Variants in PACS1 observed in about 807,000 individuals in gnomAD.
PACS1 encodes the protein phosphofurin acidic cluster sorting protein 1, also known as PACS-1.
In PACS1, 24 loss-of-function variants were observed where a neutral mutation model predicts 115.0. That is an observed-to-expected ratio of 0.21 (90% CI 0.15 to 0.29). PACS1 has a LOEUF of 0.29. Ranked by LOEUF, PACS1 falls within the 10% of genes least tolerant of loss-of-function variation. The pLI, the probability that PACS1 is intolerant of heterozygous loss-of-function variation, is 1.00. For synonymous variants in PACS1, 453 were observed against 504.5 expected (o/e 0.90, Z 1.37); for missense variants, 838 against 1,251.2 (o/e 0.67, Z 4.98).
At chr11:66,146,483 G>C (rs185883578) in intron 1 of PACS1, among the ~76,000 whole-genome samples, 1 of 152,194 alleles carries the variant, frequency 6.6e-6, no homozygotes, top group Non-Finnish European at 1.5e-5. Flanking sequence ...TGAACTTAAA[G>C]ATAGATCAAT....
intron 4 of PACS1, among the ~76,000 whole-genome samples, chr11:66,212,143 T>A (rs1855085725): frequency 6.6e-6 from 1 of 151,882 alleles, no homozygotes; most frequent in South Asian, 2.1e-4. Context: ...TTTTACTTTT[T>A]TTTTTTTGAG....
intron 14 of PACS1, among the ~76,000 whole-genome samples, chr11:66,232,725 T>C (rs1855621956): frequency 6.6e-6 from 1 of 151,850 alleles, no homozygotes; most frequent in Non-Finnish European, 1.5e-5. Context: ...TGGAGTGTCC[T>C]AGCATGTGAA....
intron 1 of PACS1, among the ~76,000 whole-genome samples, chr11:66,136,323 T>TCTCACACACACACACACA (rs1456724621): frequency 2.1e-5 from 3 of 145,820 alleles, no homozygotes; most frequent in Non-Finnish European, 4.5e-5. Context: ...AATCCCACTG[T>TCTCACACACACACACACA]CACACACACA....
Position 66,094,221 on chromosome 11 carries a change from A to G in PACS1, c.356+23379A>G, listed in dbSNP as rs1376990292. ...CAGAGCAGAACTGAAGGAAATAGAG[A>G]CACAAAAAACCCTTCAAAAATTAAT... On this transcript the variant is annotated intron_variant, in intron 1 of 23. Transcript: ENST00000320580. 2.7e-5 allele frequency among the ~76,000 whole-genome samples: 4 copies of G among 150,632 alleles called. No homozygotes were observed. The South Asian group carries it at 8.3e-4, about 31-fold the overall frequency.
Position 66,235,338 on chromosome 11 carries a change from C to T in PACS1, c.2142C>T (p.Val714=), listed in dbSNP as rs1855684671. The T allele has an allele frequency of 6.2e-7, 1 of 1,614,046 alleles. No homozygotes were observed. Among genetic ancestry groups the T allele is most frequent in the Non-Finnish European group, 8.5e-7 (1 of 1,179,948 alleles). ...LDVAGRVMQY[V]NGAATTHQLP... ...TGGCAGGGCGGGTGATGCAGTACGT[C>T]AACGGGGCAGCCACGACACACCAGC... Residue 714 remains valine, a synonymous_variant, in exon 18 of 24, where the codon GTC becomes GTT. Coordinates refer to ENST00000320580, the MANE Select transcript of PACS1 (RefSeq NM_018026.4). The surrounding 1 kb of genome is among the most constrained non-coding windows in gnomAD (Gnocchi z 5.6).
chr11:66,132,912 C>A (rs920086226), intron 1 of PACS1, among the ~76,000 whole-genome samples: 4 of 152,184 alleles, frequency 2.6e-5, no homozygotes, highest in African/African-American at 9.7e-5. Context: ...AAGTGATCTC[C>A]CTGCCTTGGC....
chr11:66,183,666 A>G (rs895686580), intron 1 of PACS1, among the ~76,000 whole-genome samples: 1 of 152,204 alleles, frequency 6.6e-6, no homozygotes, highest in Non-Finnish European at 1.5e-5. Context: ...AGAATTCAAG[A>G]GTGAGCCAGT....
At chr11:66,143,839 T>C (rs1859058532) in intron 1 of PACS1, among the ~76,000 whole-genome samples, 1 of 152,142 alleles carries the variant, frequency 6.6e-6, no homozygotes, top group Non-Finnish European at 1.5e-5. Flanking sequence ...GGGGTTTTGC[T>C]ATGTTGGCCA....
chr11:66,125,044 T>C (rs1003579596), intron 1 of PACS1, among the ~76,000 whole-genome samples: 2 of 152,184 alleles, frequency 1.3e-5, no homozygotes, highest in African/African-American at 4.8e-5. Flanking sequence ...TGATGAACAT[T>C]TGGGTGGCTT....
intron 1 of PACS1, among the ~76,000 whole-genome samples, chr11:66,110,303 T>A (rs1558974): frequency 0.39 from 59,544 of 151,158 alleles, 11,858 homozygotes; most frequent in Admixed American, 0.49. Flanking sequence ...AAAAAAAAAA[T>A]TTTTTTTATA....
chr11:66,230,214 G>A lies in PACS1; in HGVS notation c.1375-334G>A, dbSNP rs186899105. ...TGCTCTCCTAGACCAGATAAGGTCC[G>A]GTCAGGGCACCAGGGAGATGCATCT... On this transcript the variant is annotated intron_variant, in intron 11 of 23. Coordinates refer to ENST00000320580, the MANE Select transcript of PACS1 (RefSeq NM_018026.4). Among the ~76,000 whole-genome samples the A allele has an allele frequency of 2.2e-4, 34 of 151,980 alleles. 2 individuals are homozygous for A. The highest frequency in any genetic ancestry group is 8.5e-4 in the Admixed American group (13 of 15,284).
At chr11:66,126,050 A>G (rs1726071911) in intron 1 of PACS1, among the ~76,000 whole-genome samples, 1 of 152,128 alleles carries the variant, frequency 6.6e-6, no homozygotes, top group South Asian at 2.1e-4. Context: ...AAAAAAAAAA[A>G]AAAAAAAATG....
Position 66,236,734 on chromosome 11 carries a change from C to T in PACS1, c.2250+794C>T, listed in dbSNP as rs1855712297. On this transcript the variant is annotated intron_variant, in intron 19 of 23. Coordinates refer to ENST00000320580, the MANE Select transcript of PACS1 (RefSeq NM_018026.4). This position sits in a 1 kb window ranked among gnomAD's most constrained non-coding sequence, Gnocchi z 4.2. ...TCCACTTAAAAGAGCTTTACATTTC[C>T]CTTCGAAACCAGCTTCTATCTTTTT... is the stretch of plus-strand genomic sequence containing the variant. Among the ~76,000 whole-genome samples the T allele has an allele frequency of 6.6e-6, 1 of 152,138 alleles. No individual in the cohort carries two copies. Among genetic ancestry groups the T allele is most frequent in the Admixed American group, 6.5e-5 (1 of 15,274 alleles).
At chr11:66,231,818 C>T (rs1427601344) in intron 13 of PACS1, 7 of 239,656 alleles carry the variant, frequency 2.9e-5, no homozygotes, top group South Asian at 6.4e-5. Context: ...ACCTGCTGGC[C>T]GCCCTCTGCC....
intron 10 of PACS1, among the ~76,000 whole-genome samples, chr11:66,223,003 C>T (rs1481063574): frequency 2.0e-5 from 3 of 147,258 alleles, no homozygotes; most frequent in African/African-American, 7.7e-5. Context: ...CCCTAGACGC[C>T]GTTCCAGGCC....
At position 66,243,307 on chromosome 11, in the gene PACS1, C is replaced by G. The variant is rs1410515503; in HGVS notation, c.*27C>G. The G allele has an allele frequency of 2.7e-6, 4 of 1,461,294 alleles. No homozygotes were observed. In the East Asian group the frequency reaches 7.3e-5, roughly 27 times the overall value. The allele number at this position is 1,461,294 out of a possible 1,614,324, so 90.5% of individuals were successfully genotyped here. ...GCCCTGTCTCCCAGCCACTTTCCCT[C>G]CTGGCACTGCCACCAGCCTCACCGC... On this transcript the variant is annotated 3_prime_UTR_variant, in exon 24 of 24. Transcript: ENST00000320580.
intron 21 of PACS1, 49 bp downstream of exon 21, chr11:66,239,326 C>G: frequency 6.4e-7 from 1 of 1,570,884 alleles, no homozygotes; most frequent in Non-Finnish European, 8.6e-7. Context: ...ATCAGGCCCA[C>G]CCGGCTGATT....
At chr11:66,156,206 A>T (rs368466069) in intron 1 of PACS1, among the ~76,000 whole-genome samples, 70 of 952 alleles carry the variant, frequency 0.074, no homozygotes, top group African/African-American at 0.2. Flanking sequence ...TTTTTAAATT[A>T]TATATATATA....
At chr11:66,127,060 C>A (rs149174895) in intron 1 of PACS1, among the ~76,000 whole-genome samples, 37 of 152,328 alleles carry the variant, frequency 2.4e-4, no homozygotes, top group African/African-American at 7.7e-4. Context: ...CCAAGCTCAT[C>A]ATGGGTTCTC....
Sources: gnomAD v4.1 joint callset for allele counts (sites outside exome capture counted in the v4.1 genomes callset) on GRCh38, gnomAD v4.1.1 for gene constraint, Gnocchi (gnomAD v3.1) non-coding constraint, MANE v1.5 for transcripts, NCBI Gene and HGNC (gene_info 2026-07-23, HGNC 2026-07-21) for gene names.